ACIN1: variants seen among roughly 807,000 people sequenced by gnomAD.
ACIN1 encodes the protein apoptotic chromatin condensation inducer in the nucleus.
Under a neutral mutation model 146.6 loss-of-function variants are expected in ACIN1, and 16 were observed. That is an observed-to-expected ratio of 0.11 (90% CI 0.07 to 0.17). The LOEUF (loss-of-function observed/expected upper bound fraction) is 0.17, where lower values mean the gene tolerates loss of function less well. ACIN1 is among the 10% of genes least tolerant of loss of function. The probability of loss-of-function intolerance (pLI) is 1.00; values close to 1 mark genes in which losing one functional copy is unlikely to be tolerated. For synonymous variants in ACIN1, 569 were observed against 582.7 expected (o/e 0.98, Z 0.34); for missense variants, 1,357 against 1,609.3 (o/e 0.84, Z 2.68).
chr14:23,094,478 C>A, intron 1 of ACIN1: 1 of 985,240 alleles, frequency 1.0e-6, no homozygotes, highest in Non-Finnish European at 1.2e-6. Context: ...AAATAAAGGT[C>A]TCTCTTCATC....
chr14:23,064,891 C>T lies in ACIN1; in HGVS notation c.2309-403G>A, dbSNP rs867025132. Among the ~76,000 whole-genome samples the T allele has an allele frequency of 3.9e-4, 15 of 38,906 alleles. 1 individual carries two copies. Among genetic ancestry groups the T allele is most frequent in the Middle Eastern group, 0.037 (2 of 54 alleles). 25.5% of individuals were successfully genotyped at this position (38,906 alleles called of 152,430 possible). On this transcript the variant is annotated intron_variant, in intron 10 of 18. Transcript: ENST00000605057. ...CCAGCCTGGTGACAGAGCAAGACTC[C>T]GTCTCAAAAAAAAAAAAAGAAAAGA...
chr14:23,071,734 C>CA, intron 8 of ACIN1: 2 of 614,184 alleles, frequency 3.3e-6, no homozygotes, highest in East Asian at 6.1e-5. Context: ...ACAGCAGCTA[C>CA]AGAGGCTTAA....
rs1037781858 is a variant in ACIN1, at chr14:23,063,092, A to G, written c.2738-18T>C. The G allele has an allele frequency of 1.1e-5, 18 of 1,590,142 alleles. No individual in the cohort carries two copies. Among genetic ancestry groups the G allele is most frequent in the Non-Finnish European group, 1.5e-5 (18 of 1,169,482 alleles). On this transcript the variant is annotated intron_variant, in intron 13 of 18. Transcript: ENST00000605057. The stretch of plus-strand genomic sequence containing the variant: ...TAAAGTCACTATCAAGAAGACCACA[A>G]GAACAGCTTTTGGTAGGAAGCAATA...
intron 18 of ACIN1, among the ~76,000 whole-genome samples, chr14:23,060,672 C>T (rs1464923177): frequency 6.6e-6 from 1 of 152,106 alleles, no homozygotes; most frequent in Non-Finnish European, 1.5e-5. Context: ...CCACTGCACC[C>T]GGCTAATTTT....
intron 9 of ACIN1, chr14:23,069,028 G>A: frequency 1.0e-6 from 1 of 986,766 alleles, no homozygotes; most frequent in Non-Finnish European, 1.2e-6. Context: ...CCACTGGAGG[G>A]CAGAGGAGGA....
At chr14:23,093,447 G>A in intron 2 of ACIN1, 32 bp downstream of exon 2, 1 of 1,588,440 alleles carries the variant, frequency 6.3e-7, no homozygotes, top group Non-Finnish European at 8.6e-7. Context: ...TATCCAAAGG[G>A]CCCACTCCAT....
intron 8 of ACIN1, 152 bp downstream of exon 8, chr14:23,077,999 T>C (rs2047843104): frequency 6.0e-6 from 4 of 667,670 alleles, no homozygotes; most frequent in Non-Finnish European, 9.9e-6. Context: ...GCTCCCAACA[T>C]AGTAACTGAA....
At chr14:23,065,905 C>T in intron 10 of ACIN1, 61 bp downstream of exon 10, 2 of 1,499,610 alleles carry the variant, frequency 1.3e-6, no homozygotes, top group African/African-American at 1.4e-5. Flanking sequence ...TTCTGGTTCT[C>T]AATGAATGCT....
chr14:23,084,454 A>T (rs1029272280), intron 4 of ACIN1, among the ~76,000 whole-genome samples: 3 of 152,070 alleles, frequency 2.0e-5, no homozygotes, highest in African/African-American at 7.2e-5. Context: ...AAAATACAAA[A>T]AAAATTTTAG....
At chr14:23,063,341 AAGGC>A (rs2047347869) in intron 13 of ACIN1, 91 bp downstream of exon 13, 1 of 1,463,060 alleles carries the variant, frequency 6.8e-7, no homozygotes, top group Non-Finnish European at 9.2e-7. Context: ...AATATAATGA[AAGGC>A]AGGAAACATT....
chr14:23,062,834 G>T, intron 14 of ACIN1, 95 bp downstream of exon 14: 1 of 1,332,170 alleles, frequency 7.5e-7, no homozygotes, highest in Non-Finnish European at 1.0e-6. Flanking sequence ...TCTATTGGTA[G>T]ACCAGTTCAA....
In ACIN1 at chr14:23,071,342, A is replaced by G. The variant is rs530674521; in HGVS notation, c.2124-1725T>C. ...GAGATGTAGCAACCGGGGATCCAAA[A>G]AATGGTAAATGGAAGGGGAGGTGGT... On this transcript the variant is annotated intron_variant, in intron 8 of 18. Coordinates refer to ENST00000605057, the MANE Select transcript of ACIN1 (RefSeq NM_001386863.1). The G allele has an allele frequency of 4.0e-6, 6 of 1,516,170 alleles. No individual in the cohort carries two copies. The South Asian group carries it at 6.4e-5, about 16-fold the overall frequency. 93.9% of individuals were successfully genotyped at this position (1,516,170 alleles called of 1,614,324 possible). A position where few individuals can be genotyped will look rare whatever the true frequency, so the allele number is the denominator to read the frequency against.
chr14:23,078,815 C>T lies in ACIN1; in HGVS notation c.2007+5G>A. The T allele has an allele frequency of 3.7e-6, 6 of 1,611,720 alleles. No individual in the cohort carries two copies. Among genetic ancestry groups the T allele is most frequent in the South Asian group, 1.1e-5 (1 of 90,920 alleles). On this transcript the variant is annotated splice_donor_5th_base_variant and intron_variant, in intron 7 of 18. Transcript: ENST00000605057. ...TCTGTGTAGGGAGGGGTCACAATAG[C>T]CTACCCGCTCAGGCTGTAACCTCTG... is the stretch of plus-strand genomic sequence containing the variant.
chr14:23,085,304 C>T (rs2048061688), intron 4 of ACIN1, among the ~76,000 whole-genome samples: 1 of 152,182 alleles, frequency 6.6e-6, no homozygotes, highest in Admixed American at 6.5e-5. Context: ...CACTGCACTC[C>T]AGCCTGGGCG....
chr14:23,076,875 C>T lies in ACIN1; in HGVS notation c.2123+1276G>A, dbSNP rs117792801. On this transcript the variant is annotated intron_variant, in intron 8 of 18. Coordinates refer to ENST00000605057, the MANE Select transcript of ACIN1 (RefSeq NM_001386863.1). ...TGATGTAGCTGGGGAATCCTGAATACCTTCCAGAATCCGCTGAGTTTTCAC... is the reference window on the plus strand; with the variant it reads ...TGATGTAGCTGGGGAATCCTGAATATCTTCCAGAATCCGCTGAGTTTTCAC... Among the ~76,000 whole-genome samples the T allele has an allele frequency of 4.0e-4, 61 of 152,302 alleles. No homozygotes were observed. In the East Asian group the frequency reaches 0.011, roughly 27 times the overall value.
chr14:23,084,587 G>A (rs941563775), intron 4 of ACIN1, among the ~76,000 whole-genome samples: 1 of 150,292 alleles, frequency 6.7e-6, no homozygotes, highest in Non-Finnish European at 1.5e-5. Flanking sequence ...TCCAGCCTGG[G>A]CGACAGAGCG....
rs1303894279 is a variant in ACIN1, at chr14:23,068,786, C to CAA, written c.2265+688_2265+689dup. ...ACACACCAGAAAAAGGCTACACACA[C>CAA]AACAGTCCCTCCCACCTTGTTACCC... is the stretch of plus-strand genomic sequence containing the variant. On this transcript the variant is annotated intron_variant, in intron 9 of 18. Transcript: ENST00000605057. The surrounding 1 kb of genome is among the most constrained non-coding windows in gnomAD (Gnocchi z 4.3). 35 of 985,362 alleles carry CAA rather than the reference C, an allele frequency of 3.6e-5. No individual in the cohort carries two copies. Among genetic ancestry groups the CAA allele is most frequent in the Non-Finnish European group, 4.1e-5 (34 of 829,970 alleles). The allele number at this position is 985,362 out of a possible 1,614,324, so 61.0% of individuals were successfully genotyped here. A position where few individuals can be genotyped will look rare whatever the true frequency, so the allele number is the denominator to read the frequency against.
chr14:23,078,375 C>T (rs1413188147), intron 7 of ACIN1, 109 bp from the exon 8 acceptor site: 1 of 771,246 alleles, frequency 1.3e-6, no homozygotes, highest in South Asian at 1.7e-5. Flanking sequence ...ACAGTACCAG[C>T]TCCACACACG....
Position 23,058,872 on chromosome 14 carries a change from C to G in ACIN1, c.*276G>C. The G allele has an allele frequency of 2.0e-6, 1 of 498,432 alleles. No homozygotes were observed. The highest frequency in any genetic ancestry group is 3.6e-6 in the Non-Finnish European group (1 of 278,650). The allele number at this position is 498,432 out of a possible 1,614,324, so 30.9% of individuals were successfully genotyped here. ...CAGAGGACTGGGGCACCTGGCTGTT[C>G]CCCATCTCTGGCCAACCACCTCCTT... On this transcript the variant is annotated 3_prime_UTR_variant, in exon 19 of 19. Transcript: ENST00000605057.
Sources: allele counts gnomAD v4.1 joint callset (sites outside exome capture counted in the v4.1 genomes callset), GRCh38; gene constraint gnomAD v4.1.1; non-coding constraint Gnocchi (gnomAD v3.1); transcripts MANE v1.5; gene names NCBI Gene and HGNC (gene_info 2026-07-23, HGNC 2026-07-21).